The following POC1B variants were observed in gnomAD, a reference collection of about 807,000 sequenced individuals.
POC1B encodes the protein POC1 centriolar protein B.
POC1B carries 44 observed loss-of-function variants against 60.6 expected under a neutral mutation model. The observed-to-expected ratio is 0.73, with a 90% confidence interval of 0.57 to 0.93. The LOEUF (loss-of-function observed/expected upper bound fraction) is 0.93, where lower values mean the gene tolerates loss of function less well. Ranked by LOEUF, POC1B falls within the 40% of genes least tolerant of loss-of-function variation. POC1B has a pLI of 0.00. For missense variants in POC1B, 555 were observed against 572.3 expected (o/e 0.97, Z 0.31); for synonymous variants, 180 against 198.9 (o/e 0.90, Z 0.80).
At chr12:89,444,729 G>C (rs562942377) in intron 10 of POC1B, among the ~76,000 whole-genome samples, 73 of 152,226 alleles carry the variant, frequency 4.8e-4, no homozygotes, top group Middle Eastern at 3.4e-3. Flanking sequence ...CACTCCAATT[G>C]AACATAGTGT....
At chr12:89,468,520 G>C (rs1249245841) in intron 7 of POC1B, among the ~76,000 whole-genome samples, 2 of 152,156 alleles carry the variant, frequency 1.3e-5, no homozygotes, top group Admixed American at 6.5e-5. Context: ...CACAGATTTA[G>C]TTTATAATAT....
intron 7 of POC1B, among the ~76,000 whole-genome samples, chr12:89,468,887 C>A (rs200930385): frequency 6.7e-6 from 1 of 149,522 alleles, no homozygotes; most frequent in Non-Finnish European, 1.5e-5. Flanking sequence ...GGAAGTACCT[C>A]AAAAAAAAAA....
At chr12:89,424,000 T>A (rs1880650276) in intron 11 of POC1B, among the ~76,000 whole-genome samples, 1 of 152,192 alleles carries the variant, frequency 6.6e-6, no homozygotes, top group Non-Finnish European at 1.5e-5. Context: ...GGCAATGGCC[T>A]TTAAGGAAAA....
At chr12:89,448,950 C>T (rs1299854609) in intron 10 of POC1B, among the ~76,000 whole-genome samples, 2 of 152,334 alleles carry the variant, frequency 1.3e-5, no homozygotes, top group East Asian at 3.9e-4. Context: ...TCTCCACCTG[C>T]TCCCAAACTG....
the POC1B span, among the ~76,000 whole-genome samples, chr12:89,407,009 G>A: frequency 4.6e-5 from 7 of 151,398 alleles, no homozygotes; most frequent in Non-Finnish European, 1.0e-4. Flanking sequence ...TTAGCCGGGC[G>A]TGATGGAGGG....
rs574796631 is a variant in POC1B, at chr12:89,444,613, A to G, written c.1113+15025T>C. On this transcript the variant is annotated intron_variant, in intron 10 of 11. Coordinates refer to ENST00000313546, the MANE Select transcript of POC1B (RefSeq NM_172240.3). The stretch of plus-strand genomic sequence containing the variant: ...TATTGATGGGACATATCTCAAAATA[A>G]TAAGAACTATTTATGACAAACCCAC... Among the ~76,000 whole-genome samples the G allele has an allele frequency of 2.7e-3, 416 of 152,342 alleles. 2 individuals carry two copies. Among genetic ancestry groups the G allele is most frequent in the African/African-American group, 8.3e-3 (344 of 41,570 alleles).
At chr12:89,524,498 A>G in intron 2 of POC1B, 1 of 1,612,824 alleles carries the variant, frequency 6.2e-7, no homozygotes. Context: ...GCCACTGTTA[A>G]AAACGCCAGC....
At chr12:89,522,651 G>A in intron 2 of POC1B, 1 of 803,548 alleles carries the variant, frequency 1.2e-6, no homozygotes, top group Non-Finnish European at 1.8e-6. Flanking sequence ...TGGGTACCCA[G>A]TTTCAGTGTG....
intron 2 of POC1B, chr12:89,502,168 C>A (rs1043368831): frequency 1.0e-5 from 12 of 1,155,592 alleles, no homozygotes; most frequent in African/African-American, 1.5e-5. Context: ...ACCTTCCAGG[C>A]TCAATAATAA....
At chr12:89,448,000 A>G (rs1445549549) in intron 10 of POC1B, among the ~76,000 whole-genome samples, 1 of 152,124 alleles carries the variant, frequency 6.6e-6, no homozygotes, top group Non-Finnish European at 1.5e-5. Flanking sequence ...AGAGAGAGAG[A>G]GAGAGAAACT....
At chr12:89,515,047 C>G (rs910744098) in intron 2 of POC1B, among the ~76,000 whole-genome samples, 12 of 152,060 alleles carry the variant, frequency 7.9e-5, no homozygotes, top group Non-Finnish European at 1.3e-4. Flanking sequence ...TTGGGGACAC[C>G]AAGTTTCCTG....
intron 7 of POC1B, among the ~76,000 whole-genome samples, chr12:89,468,318 G>A (rs1028908117): frequency 2.0e-5 from 3 of 152,144 alleles, no homozygotes; most frequent in Non-Finnish European, 4.4e-5. Context: ...CAGTTACTGC[G>A]GAGTTGGACA....
At chr12:89,487,693 C>T (rs1868713723) in intron 4 of POC1B, among the ~76,000 whole-genome samples, 1 of 152,190 alleles carries the variant, frequency 6.6e-6, no homozygotes, top group South Asian at 2.1e-4. Context: ...CTGGAGCACA[C>T]TATGTACCTG....
Position 89,497,270 on chromosome 12 carries a change from C to T in POC1B, c.173G>A (p.Gly58Asp). ...CACGCTGGTTACAACATCCTTGTGA[C>T]CCACATATCTGTAAGCTCTAGCATG... ...KPHARAYRYV[G>D]HKDVVTSVQF... The change falls in exon 3 of 12, where the codon GGT (glycine) becomes GAT (aspartate). Residue 58 changes from glycine (G) to aspartate (D), a missense_variant. Transcript: ENST00000313546. 2 of 1,613,392 alleles carry T rather than the reference C, an allele frequency of 1.2e-6. No homozygotes were observed. The highest frequency in any genetic ancestry group is 2.2e-5 in the South Asian group (2 of 91,054).
intron 4 of POC1B, among the ~76,000 whole-genome samples, chr12:89,476,697 A>AATAGATAGATAGATAGATAG (rs754459068): frequency 7.1e-5 from 10 of 139,878 alleles, no homozygotes; most frequent in East Asian, 2.1e-4. Flanking sequence ...AGACTGTCTC[A>AATAGATAGATAGATAGATAG]ATAGATAGAT....
rs937829957 is a variant in POC1B at position 89,472,380 on chromosome 12, G to C, written c.453-105C>G. 8.3e-6 allele frequency: 6 copies of C among 723,650 alleles called. No individual in the cohort carries two copies. In the African/African-American group the frequency reaches 9.0e-5, roughly 11 times the overall value. 44.8% of individuals were successfully genotyped at this position (723,650 alleles called of 1,614,324 possible). Reference sequence around the variant, plus strand: ...CAGGCTGTAAATATTAAATACCAGAGACCACTGTTACCATCCCATGCAGTA... The same window carrying C: ...CAGGCTGTAAATATTAAATACCAGACACCACTGTTACCATCCCATGCAGTA... On this transcript the variant is annotated intron_variant, in intron 4 of 11. Transcript: ENST00000313546.
chr12:89,491,014 A>G (rs2135736975), intron 4 of POC1B, among the ~76,000 whole-genome samples: 1 of 152,198 alleles, frequency 6.6e-6, no homozygotes, highest in East Asian at 1.9e-4. Flanking sequence ...CAATTCCAGC[A>G]AAATGTAGGT....
At chr12:89,493,159 C>A (rs767830810) in intron 3 of POC1B, among the ~76,000 whole-genome samples, 1 of 152,190 alleles carries the variant, frequency 6.6e-6, no homozygotes, top group Non-Finnish European at 1.5e-5. Context: ...CTTTCTCAGG[C>A]TGGACTATTT....
intron 2 of POC1B, chr12:89,524,369 G>A: frequency 6.2e-7 from 1 of 1,614,006 alleles, no homozygotes; most frequent in Non-Finnish European, 8.5e-7. Context: ...TAAAGCGGTC[G>A]AGACAAATCC....
Sources: allele counts gnomAD v4.1 joint callset (sites outside exome capture counted in the v4.1 genomes callset), GRCh38; gene constraint gnomAD v4.1.1; transcripts MANE v1.5; gene names NCBI Gene and HGNC (gene_info 2026-07-23, HGNC 2026-07-21).